ZNF695: variants seen among roughly 807,000 people sequenced by gnomAD.
ZNF695 encodes zinc finger protein 695.
Under a neutral mutation model 11.2 loss-of-function variants are expected in ZNF695, and 11 were observed. The observed-to-expected ratio is 0.98, with a 90% CI of 0.62 to 1.62. The LOEUF is 1.62. Among genes scored for constraint, ZNF695 ranks in the 40% most tolerant of loss-of-function variants. The pLI is 0.00. For synonymous variants in ZNF695, 190 were observed against 201.4 expected (o/e 0.94, Z 0.48); for missense variants, 559 against 590.5 (o/e 0.95, Z 0.55).
intron 5 of ZNF695, among the ~76,000 whole-genome samples, chr1:246,948,800 G>C (rs887467582): frequency 6.6e-6 from 1 of 152,110 alleles, no homozygotes; most frequent in African/African-American, 2.4e-5. Context: ...GAGGCTAAGG[G>C]CTTTATACCC....
chr1:246,980,364 C>T (rs1668675607), downstream of ZNF695, among the ~76,000 whole-genome samples: 1 of 151,120 alleles, frequency 6.6e-6, no homozygotes, highest in Admixed American at 6.6e-5. Context: ...TGTTAATTTC[C>T]CTTTTTAAAG....
At chr1:247,006,909 T>G (rs554711830) in intron 1 of ZNF695, among the ~76,000 whole-genome samples, 1 of 152,336 alleles carries the variant, frequency 6.6e-6, no homozygotes, top group African/African-American at 2.4e-5. Flanking sequence ...CTAGCTAACT[T>G]AGATGAATTT....
chr1:246,955,025 G>A (rs561933051), intron 5 of ZNF695, among the ~76,000 whole-genome samples: 6 of 152,062 alleles, frequency 3.9e-5, no homozygotes, highest in Non-Finnish European at 8.8e-5. Flanking sequence ...GGAGGGACCT[G>A]GTGGGAGGTA....
At chr1:246,996,002 G>A (rs1198209352) in intron 3 of ZNF695, 1 of 453,116 alleles carries the variant, frequency 2.2e-6, no homozygotes. Context: ...GCTGATAGGG[G>A]AAAACAACCC....
intron 4 of ZNF695, chr1:246,969,149 C>T (rs1668361958): frequency 6.6e-6 from 1 of 152,230 alleles, no homozygotes; most frequent in South Asian, 2.1e-4. Flanking sequence ...TACTCCATTT[C>T]CCTTTTAAAT....
chr1:247,002,765 AGAGT>A (rs1165102200), intron 1 of ZNF695, among the ~76,000 whole-genome samples: 1 of 151,770 alleles, frequency 6.6e-6, no homozygotes, highest in Non-Finnish European at 1.5e-5. Context: ...CCTGGGTGAA[AGAGT>A]GAGACTCTGT....
At chr1:246,992,145 CAG>C (rs1214311956) in intron 3 of ZNF695, among the ~76,000 whole-genome samples, 2 of 149,774 alleles carry the variant, frequency 1.3e-5, no homozygotes, top group African/African-American at 5.0e-5. Flanking sequence ...GCCTGGGTGA[CAG>C]AGCGAGACTC....
intron 5 of ZNF695, among the ~76,000 whole-genome samples, chr1:246,966,263 C>T (rs578179553): frequency 2.0e-5 from 3 of 151,956 alleles, no homozygotes; most frequent in South Asian, 4.1e-4. Flanking sequence ...CCAAGGCAGG[C>T]GCATCACTTG....
intron 5 of ZNF695, among the ~76,000 whole-genome samples, chr1:246,962,386 A>C (rs1668183844): frequency 6.6e-6 from 1 of 152,200 alleles, no homozygotes; most frequent in African/African-American, 2.4e-5. Flanking sequence ...CCCAAGCAAG[A>C]AGTCTGGTGG....
intron 4 of ZNF695, among the ~76,000 whole-genome samples, chr1:246,977,544 A>G (rs1479089522): frequency 1.2e-4 from 18 of 152,268 alleles, no homozygotes; most frequent in Admixed American, 7.2e-4. Flanking sequence ...GAGCCACCAC[A>G]CCCGGCAAAA....
intron 5 of ZNF695, among the ~76,000 whole-genome samples, chr1:246,952,168 C>G (rs1667883483): frequency 6.6e-6 from 1 of 151,810 alleles, no homozygotes; most frequent in African/African-American, 2.4e-5. Flanking sequence ...AGGCTGGTCT[C>G]GAACTCCTAG....
chr1:246,999,887 C>G, intron 2 of ZNF695, 25 bp downstream of exon 2: 1 of 1,610,598 alleles, frequency 6.2e-7, no homozygotes, highest in Non-Finnish European at 8.5e-7. Context: ...AAACATTCTA[C>G]AAAGGAAAAA....
Position 246,950,509 on chromosome 1 carries a change from G to A in ZNF695, c.489-4682C>T, listed in dbSNP as rs527889934. On this transcript the variant is annotated intron_variant, in intron 5 of 5. Coordinates refer to the ZNF695 transcript ENST00000487338. ...TACTAAAAACATAAAAAATTAGCTG[G>A]GCGTGGTGGCACGCTCCTGTATTCC... Among the ~76,000 whole-genome samples the A allele has an allele frequency of 3.9e-5, 6 of 151,938 alleles. No individual in the cohort carries two copies. In the East Asian group the frequency reaches 1.2e-3, roughly 29 times the overall value.
chr1:247,006,098 G>A (rs369425548), intron 1 of ZNF695, among the ~76,000 whole-genome samples: 213 of 151,838 alleles, frequency 1.4e-3, no homozygotes, highest in African/African-American at 5.0e-3. Context: ...AGTGGCACAC[G>A]CCTGTGGTCC....
At chr1:246,959,724 C>T (rs1240755829) in intron 5 of ZNF695, among the ~76,000 whole-genome samples, 1 of 152,118 alleles carries the variant, frequency 6.6e-6, no homozygotes, top group Non-Finnish European at 1.5e-5. Flanking sequence ...CCGTGCCTGG[C>T]CCAAAATGGG....
At chr1:246,976,583 A>G (rs1449191897) in intron 4 of ZNF695, among the ~76,000 whole-genome samples, 1 of 151,700 alleles carries the variant, frequency 6.6e-6, no homozygotes, top group Non-Finnish European at 1.5e-5. Flanking sequence ...TCACGAGGTG[A>G]GGAGATCGAG....
intron 1 of ZNF695, among the ~76,000 whole-genome samples, chr1:247,003,087 T>A (rs1433601107): frequency 1.3e-5 from 2 of 152,188 alleles, no homozygotes; most frequent in African/African-American, 2.4e-5. Context: ...AGGGCTGCCA[T>A]TCGACCCAGC....
rs889537057 is a variant in ZNF695, at chr1:246,986,183, C to G, written c.*784G>C. Reference sequence around the variant, plus strand: ...CTCCAGGCTCAAGCAATCCTCCCACCTGAGCCTTCCAAGTAGCTGGGACAA... The same window carrying G: ...CTCCAGGCTCAAGCAATCCTCCCACGTGAGCCTTCCAAGTAGCTGGGACAA... On this transcript the variant is annotated 3_prime_UTR_variant, in exon 4 of 4. Coordinates refer to ENST00000339986, the MANE Select transcript of ZNF695 (RefSeq NM_020394.5). The G allele has an allele frequency of 5.0e-5, 26 of 522,606 alleles. No individual in the cohort carries two copies. The highest frequency in any genetic ancestry group is 5.0e-4 in the African/African-American group (24 of 48,266). The allele number at this position is 522,606 out of a possible 1,614,324, so 32.4% of individuals were successfully genotyped here. A position where few individuals can be genotyped will look rare whatever the true frequency, so the allele number is the denominator to read the frequency against.
chr1:246,948,936 T>C (rs955491275), intron 5 of ZNF695, among the ~76,000 whole-genome samples: 11 of 152,184 alleles, frequency 7.2e-5, no homozygotes, highest in Admixed American at 2.0e-4. Flanking sequence ...CGAAATTACA[T>C]ACCCTATGTA....
Sources: gnomAD v4.1 joint callset for allele counts (sites outside exome capture counted in the v4.1 genomes callset) on GRCh38, gnomAD v4.1.1 for gene constraint, MANE v1.5 for transcripts, NCBI Gene and HGNC (gene_info 2026-07-23, HGNC 2026-07-21) for gene names.